SERPINA3: variants seen among roughly 807,000 people sequenced by gnomAD.
SERPINA3 encodes serpin family A member 3.
In SERPINA3, 32 loss-of-function variants were observed where a neutral mutation model predicts 26.8. The observed-to-expected ratio is 1.20, with a 90% confidence interval of 0.90 to 1.61. The LOEUF (loss-of-function observed/expected upper bound fraction) is 1.61, where lower values mean the gene tolerates loss of function less well. Among genes scored for constraint, SERPINA3 ranks in the 40% most tolerant of loss-of-function variants. The pLI is 0.00. For synonymous variants in SERPINA3, 252 were observed against 206.4 expected (o/e 1.22, Z -1.89); for missense variants, 632 against 517.9 (o/e 1.22, Z -2.14).
intron 4 of SERPINA3, among the ~76,000 whole-genome samples, chr14:94,623,187 C>T (rs373681294): frequency 6.6e-6 from 1 of 152,190 alleles, no homozygotes; most frequent in East Asian, 1.9e-4. Flanking sequence ...TGCTGAAAGC[C>T]ATGCTGGCTT....
intron 3 of SERPINA3, among the ~76,000 whole-genome samples, chr14:94,622,104 G>A (rs745752562): frequency 1.3e-5 from 2 of 152,246 alleles, no homozygotes; most frequent in Non-Finnish European, 2.9e-5. Context: ...CTCGAGCAGG[G>A]CCACAACTCC....
At chr14:94,622,912 T>C (rs61976123) in intron 4 of SERPINA3, 34 of 318,806 alleles carry the variant, frequency 1.1e-4, no homozygotes, top group Non-Finnish European at 1.8e-4. Flanking sequence ...AATGAAAATA[T>C]GCTCGGAGTA....
Position 94,612,445 on chromosome 14 carries a change from C to A in SERPINA3, c.-11C>A, listed in dbSNP as rs750250076. On this transcript the variant is annotated splice_region_variant and 5_prime_UTR_variant, in exon 1 of 5. Coordinates refer to ENST00000393078, the MANE Select transcript of SERPINA3 (RefSeq NM_001085.5). ...ACCAGCTACATCCAGCTCCCTGAGGCAGGTAATCCATGATGTTTTACATCC... is the reference window on the plus strand; with the variant it reads ...ACCAGCTACATCCAGCTCCCTGAGGAAGGTAATCCATGATGTTTTACATCC... 2 of 1,362,764 alleles carry A rather than the reference C, an allele frequency of 1.5e-6. No individual in the cohort carries two copies. Among genetic ancestry groups the A allele is most frequent in the East Asian group, 4.6e-5 (1 of 21,960 alleles). 84.4% of individuals were successfully genotyped at this position (1,362,764 alleles called of 1,614,324 possible). A position where few individuals can be genotyped will look rare whatever the true frequency, so the allele number is the denominator to read the frequency against.
chr14:94,620,294 C>T lies in SERPINA3; in HGVS notation c.917+826C>T, dbSNP rs556971450. Among the ~76,000 whole-genome samples, 4 of 152,302 alleles carry T rather than the reference C, an allele frequency of 2.6e-5. No individual in the cohort carries two copies. The South Asian group carries it at 8.3e-4, about 32-fold the overall frequency. ...GAGCTTGATGTGGTCAAAGAAGAGT[C>T]AGGCCAGAGCAGCTGGGCTTCCACT... On this transcript the variant is annotated intron_variant, in intron 3 of 4. Coordinates refer to ENST00000393078, the MANE Select transcript of SERPINA3 (RefSeq NM_001085.5).
intron 4 of SERPINA3, among the ~76,000 whole-genome samples, chr14:94,622,970 G>A (rs1886261062): frequency 6.6e-6 from 1 of 152,238 alleles, no homozygotes; most frequent in African/African-American, 2.4e-5. Context: ...TAAAAGCAGA[G>A]GCGCCAAGGC....
chr14:94,620,478 C>A (rs778464356), intron 3 of SERPINA3, among the ~76,000 whole-genome samples: 3 of 152,190 alleles, frequency 2.0e-5, no homozygotes, highest in Non-Finnish European at 4.4e-5. Context: ...GCCACGTAGA[C>A]CCCTAGAAAA....
chr14:94,614,417 G>A lies in SERPINA3; in HGVS notation c.-8-17G>A, dbSNP rs1180346261. On this transcript the variant is annotated splice_polypyrimidine_tract_variant and intron_variant, in intron 1 of 4. Coordinates refer to ENST00000393078, the MANE Select transcript of SERPINA3 (RefSeq NM_001085.5). ...TCCATCTGGCCCTCTGAGACTTAAA[G>A]GAGCTTTGCTTTTCAGAGTTGAGAA... The A allele has an allele frequency of 3.2e-5, 52 of 1,610,658 alleles. No individual in the cohort carries two copies. The highest frequency in any genetic ancestry group is 4.0e-5 in the Non-Finnish European group (47 of 1,179,920).
chr14:94,615,115 G>C (rs1205299127), intron 2 of SERPINA3, 31 bp downstream of exon 2: 1 of 1,611,078 alleles, frequency 6.2e-7, no homozygotes, highest in Non-Finnish European at 8.5e-7. Flanking sequence ...GTTCAGAAGA[G>C]GTGGATCTCA....
intron 3 of SERPINA3, among the ~76,000 whole-genome samples, chr14:94,621,716 A>C (rs1393779516): frequency 6.6e-6 from 1 of 151,602 alleles, no homozygotes; most frequent in Non-Finnish European, 1.5e-5. Flanking sequence ...CTTCTAACAC[A>C]ATCAGACTCT....
At chr14:94,621,780 C>T (rs1266467790) in intron 3 of SERPINA3, among the ~76,000 whole-genome samples, 1 of 152,214 alleles carries the variant, frequency 6.6e-6, no homozygotes, top group East Asian at 1.9e-4. Flanking sequence ...CCCACCTCAT[C>T]CCTCACTACC....
chr14:94,615,310 G>A (rs534196853), intron 2 of SERPINA3, among the ~76,000 whole-genome samples: 1 of 152,372 alleles, frequency 6.6e-6, no homozygotes, highest in South Asian at 2.1e-4. Flanking sequence ...GAGCCCATCA[G>A]CCTCTGGTCT....
rs776573223 is a variant in SERPINA3 at position 94,623,674 on chromosome 14, G to A, written c.1132G>A (p.Val378Ile). ...CACAGAAGCATCTGCTGCCACAGCA[G>A]TCAAAATCACCCTCCTTTCTGCATT... is the stretch of plus-strand genomic sequence containing the variant. ...EGTEASAATA[V>I]KITLLSALVE... Residue 378 changes from valine (V) to isoleucine (I), a missense_variant, in exon 5 of 5, where the codon GTC becomes ATC. Transcript: ENST00000393078. 1 of 1,614,192 alleles carries A rather than the reference G, an allele frequency of 6.2e-7. No homozygotes were observed. The highest frequency in any genetic ancestry group is 8.5e-7 in the Non-Finnish European group (1 of 1,180,032).
chr14:94,622,240 G>C (rs1290667072), intron 3 of SERPINA3, 101 bp from the exon 4 acceptor site: 8 of 1,027,038 alleles, frequency 7.8e-6, no homozygotes, highest in East Asian at 2.4e-5. Context: ...ATCAGAAGGG[G>C]GTGACTGTAG....
intron 4 of SERPINA3, 91 bp downstream of exon 4, chr14:94,622,582 G>A: frequency 2.9e-6 from 4 of 1,378,472 alleles, no homozygotes; most frequent in Non-Finnish European, 4.1e-6. Flanking sequence ...TTGAACTTGG[G>A]TTAATGCACG....
chr14:94,619,338 G>T lies in SERPINA3; in HGVS notation c.787G>T (p.Val263Leu), dbSNP rs146977492. The T allele has an allele frequency of 1.2e-6, 2 of 1,614,216 alleles. No individual in the cohort carries two copies. The highest frequency in any genetic ancestry group is 8.5e-7 in the Non-Finnish European group (1 of 1,180,048). Residue 263 changes from valine to leucine, a missense_variant, in exon 3 of 5, where the codon GTG (valine) becomes TTG (leucine). Physicochemically the swap from Val to Leu is conservative, Grantham distance 32. Transcript: ENST00000393078. ...CCGGGACGAGGAGCTGTCCTGCACC[G>T]TGGTGGAGCTGAAGTACACAGGCAA... Reference protein sequence around the residue: ...YFRDEELSCTVVELKYTGNAS... With the variant: ...YFRDEELSCTLVELKYTGNAS...
rs1262771985 is a variant in SERPINA3 at position 94,614,936 on chromosome 14, C to A, written c.495C>A (p.Ala165=). ...CCAAGAGGCTGTATGGCTCCGAGGC[C>A]TTTGCCACTGACTTTCAGGACTCAG... ...EDAKRLYGSE[A]FATDFQDSAA... The change falls in exon 2 of 5, where the codon GCC becomes GCA. Residue 165 remains alanine (A), a synonymous_variant. Transcript: ENST00000393078. The A allele has an allele frequency of 6.2e-7, 1 of 1,613,416 alleles. No homozygotes were observed. Among genetic ancestry groups the A allele is most frequent in the South Asian group, 1.1e-5 (1 of 91,092 alleles).
At position 94,614,594 on chromosome 14, in the gene SERPINA3, C is replaced by A. The variant is rs143142017; in HGVS notation, c.153C>A (p.Ser51=). 1.0e-4 allele frequency: 167 copies of A among 1,614,122 alleles called. No individual in the cohort carries two copies. The highest frequency in any genetic ancestry group is 1.4e-4 in the Non-Finnish European group (167 of 1,180,034). The change falls in exon 2 of 5, where the codon TCC becomes TCA. Residue 51 remains serine, a synonymous_variant. Transcript: ENST00000393078. The stretch of plus-strand genomic sequence containing the variant: ...CACACGTGGACCTCGGATTAGCCTC[C>A]GCCAACGTGGACTTCGCTTTCAGCC... ...RGTHVDLGLA[S]ANVDFAFSLY...
At chr14:94,618,850 G>A in intron 2 of SERPINA3, 1 of 434,204 alleles carries the variant, frequency 2.3e-6, no homozygotes, top group Non-Finnish European at 4.3e-6. Flanking sequence ...TGGAACAAAG[G>A]CTGTCCCATT....
At chr14:94,614,289 C>T (rs1180355321) in intron 1 of SERPINA3, 145 bp from the exon 2 acceptor site, 6 of 738,154 alleles carry the variant, frequency 8.1e-6, no homozygotes, top group Non-Finnish European at 1.4e-5. Flanking sequence ...TGTCGGGTGC[C>T]CCAGAGAGCA....
Sources: gnomAD v4.1 joint callset for allele counts (sites outside exome capture counted in the v4.1 genomes callset) on GRCh38, gnomAD v4.1.1 for gene constraint, MANE v1.5 for transcripts, NCBI Gene and HGNC (gene_info 2026-07-23, HGNC 2026-07-21) for gene names.